The following SYNE2 variants were observed in gnomAD, a reference collection of about 807,000 sequenced individuals.
The protein encoded by SYNE2 is spectrin repeat containing nuclear envelope protein 2, also known as nesprin-2.
In SYNE2, 431 loss-of-function variants were observed where a neutral mutation model predicts 856.3. That is an observed-to-expected ratio of 0.50 (90% CI 0.47 to 0.55). The LOEUF is 0.55. Ranked by LOEUF, SYNE2 falls within the 20% of genes least tolerant of loss-of-function variation. The pLI is 0.00. For missense variants in SYNE2, 8,129 were observed against 8,023.2 expected (o/e 1.01, Z -0.50); for synonymous variants, 2,923 against 2,872.3 (o/e 1.02, Z -0.56).
intron 11 of SYNE2, among the ~76,000 whole-genome samples, chr14:63,973,223 G>A (rs1041730917): frequency 6.6e-6 from 1 of 152,082 alleles, no homozygotes; most frequent in Non-Finnish European, 1.5e-5. Context: ...TCTAGCCTGG[G>A]AGACAGAGTG....
intron 66 of SYNE2, among the ~76,000 whole-genome samples, chr14:64,117,093 G>A (rs764791653): frequency 7.2e-5 from 11 of 152,118 alleles, no homozygotes; most frequent in Non-Finnish European, 1.5e-4. Context: ...CTGAAACCGT[G>A]GATAGTACCA....
chr14:63,982,669 G>A lies in SYNE2; in HGVS notation c.1876G>A (p.Ala626Thr), dbSNP rs766378548. Residue 626 changes from alanine to threonine, a missense_variant, in exon 17 of 116, where the codon GCT becomes ACT. Ala to Thr is a moderately conservative substitution (Grantham distance 58). This residue lies in a region of SYNE2 where 2,422 missense variants were observed against 2,357.4 expected (regional missense o/e 1.03). Transcript: ENST00000555002. ...ACTAGCCCAGTGGAATCTAGAACACGCTACTTTAAATGAAGCAGGAAATTT... is the reference window on the plus strand; with the variant it reads ...ACTAGCCCAGTGGAATCTAGAACACACTACTTTAAATGAAGCAGGAAATTT... ...ETLAQWNLEHATLNEAGNFLV... is the reference protein window; with the variant it reads ...ETLAQWNLEHTTLNEAGNFLV... 1.7e-5 allele frequency: 28 copies of A among 1,613,952 alleles called. No individual in the cohort carries two copies. The Middle Eastern group carries it at 4.9e-4, about 28-fold the overall frequency.
intron 35 of SYNE2, 137 bp downstream of exon 35, chr14:64,020,230 A>G (rs2096926514): frequency 7.5e-6 from 5 of 664,736 alleles, no homozygotes; most frequent in South Asian, 3.6e-5. Flanking sequence ...AAGATTCTCT[A>G]TAACAGGGGT....
intron 20 of SYNE2, 26 bp downstream of exon 20, chr14:63,990,595 G>C: frequency 6.2e-7 from 1 of 1,610,162 alleles, no homozygotes; most frequent in Non-Finnish European, 8.5e-7. Flanking sequence ...TCCCTATTTA[G>C]TAATTCTGTT....
rs2097236354 is a variant in SYNE2 at position 64,052,685 on chromosome 14, C to G, written c.8772C>G (p.Thr2924=). The change falls in exon 48 of 116, where the codon ACC becomes ACG. Residue 2924 remains threonine, a synonymous_variant. Transcript: ENST00000555002. ...AGTTGAAAAATCTTAAGATTAGGAC[C>G]AACAGAATACAAAGATTCATTCAGA... The part of the protein sequence containing the change: ...EDQLKNLKIR[T]NRIQRFIQNT... 3 of 1,613,594 alleles carry G rather than the reference C, an allele frequency of 1.9e-6. No homozygotes were observed. The highest frequency in any genetic ancestry group is 2.5e-6 in the Non-Finnish European group (3 of 1,179,794).
At chr14:64,026,183 T>G (rs180785160) in intron 41 of SYNE2, among the ~76,000 whole-genome samples, 63 of 152,152 alleles carry the variant, frequency 4.1e-4, no homozygotes, top group Non-Finnish European at 7.9e-4. Context: ...GAAACAAGAG[T>G]TGACATGAGG....
intron 32 of SYNE2, among the ~76,000 whole-genome samples, chr14:64,013,472 C>G (rs995320022): frequency 1.3e-5 from 2 of 152,082 alleles, no homozygotes; most frequent in Admixed American, 6.5e-5. Context: ...CAGCCCTCAC[C>G]CCACTCCCAC....
chr14:64,152,341 C>T (rs988098435), intron 84 of SYNE2, among the ~76,000 whole-genome samples: 1 of 152,022 alleles, frequency 6.6e-6, no homozygotes, highest in African/African-American at 2.4e-5. Context: ...TTCTGCTCTG[C>T]CATGATGGTT....
rs771547903 is a variant in SYNE2 at position 63,976,572 on chromosome 14, T to C, written c.1138T>C (p.Trp380Arg). 1.9e-6 allele frequency: 3 copies of C among 1,575,722 alleles called. No individual in the cohort carries two copies. The highest frequency in any genetic ancestry group is 4.5e-5 in the East Asian group (2 of 44,136). The change falls in exon 12 of 116, where the codon TGG becomes CGG. Residue 380 changes from tryptophan to arginine, a missense_variant. This residue lies in a region of SYNE2 where 2,422 missense variants were observed against 2,357.4 expected (regional missense o/e 1.03). Coordinates refer to ENST00000555002, the MANE Select transcript of SYNE2 (RefSeq NM_182914.3). Reference protein sequence around the residue: ...WDGLDHQINAWKIKLNYALPP... With the variant: ...WDGLDHQINARKIKLNYALPP... ...TTTTTTTTTTTTTCAGATTAATGCA[T>C]GGAAAATAAAGCTAAATTATGCCTT...
At chr14:63,847,283 AAAT>A (rs941996879) in intron 1 of SYNE2, among the ~76,000 whole-genome samples, 7 of 150,904 alleles carry the variant, frequency 4.6e-5, no homozygotes, top group East Asian at 2.0e-4. Flanking sequence ...TGCTTTTACA[AAAT>A]AATAATAATA....
intron 1 of SYNE2, among the ~76,000 whole-genome samples, chr14:63,830,002 A>G (rs1889608652): frequency 6.6e-6 from 1 of 152,194 alleles, no homozygotes; most frequent in African/African-American, 2.4e-5. Context: ...TTGAAATATA[A>G]TAAGTGGCAT....
In SYNE2 at chr14:64,214,208, A is replaced by C; in HGVS notation, c.19071A>C (p.Glu6357Asp). ...CTGTGGTTTAGGGCTTGGAAGATGA[A>C]AAGGAGGCCTCTGAGAATGAAACAG... ...LTSCTPGLED[E>D]KEASENETDM... Residue 6357 changes from glutamate to aspartate, a missense_variant, in exon 106 of 116, where the codon GAA becomes GAC. This residue lies in a region of SYNE2 where 5,410 missense variants were observed against 5,284.8 expected (regional missense o/e 1.02). Coordinates refer to ENST00000555002, the MANE Select transcript of SYNE2 (RefSeq NM_182914.3). The C allele has an allele frequency of 4.3e-6, 7 of 1,614,212 alleles. No individual in the cohort carries two copies. Among genetic ancestry groups the C allele is most frequent in the Non-Finnish European group, 5.9e-6 (7 of 1,180,044 alleles).
At chr14:63,963,513 G>T (rs745567401) in intron 9 of SYNE2, among the ~76,000 whole-genome samples, 3 of 152,108 alleles carry the variant, frequency 2.0e-5, no homozygotes, top group Non-Finnish European at 2.9e-5. Context: ...TTAGGCTCTC[G>T]AAAGTGTTTG....
At chr14:64,215,234 G>A (rs2098660546) in intron 106 of SYNE2, 52 bp from the exon 107 acceptor site, 1 of 1,471,666 alleles carries the variant, frequency 6.8e-7, no homozygotes, top group Non-Finnish European at 9.5e-7. Context: ...TAATACTTGG[G>A]CATTAATCTT....
In SYNE2 at chr14:64,226,007, C is replaced by CCAAT. The variant is rs143247015; in HGVS notation, c.*484_*487dup. 72 of 225,670 alleles carry CCAAT rather than the reference C, an allele frequency of 3.2e-4. No individual in the cohort carries two copies. In the East Asian group the frequency reaches 6.5e-3, roughly 20 times the overall value. 14.0% of individuals were successfully genotyped at this position (225,670 alleles called of 1,614,324 possible). A position where few individuals can be genotyped will look rare whatever the true frequency, so the allele number is the denominator to read the frequency against. On this transcript the variant is annotated 3_prime_UTR_variant, in exon 116 of 116. Transcript: ENST00000555002. The stretch of plus-strand genomic sequence containing the variant: ...TAATACGCTTAGAATCAGTTTTACT[C>CCAAT]CAATCAGCTGGCAATTTTGAGCTGC...
chr14:63,884,617 A>G (rs2140769211), intron 1 of SYNE2, among the ~76,000 whole-genome samples: 1 of 151,952 alleles, frequency 6.6e-6, no homozygotes, highest in East Asian at 1.9e-4. Context: ...ACGTGGATGG[A>G]ATAGGTGAGA....
chr14:64,112,992 G>A (rs2097823860), intron 65 of SYNE2: 2 of 985,092 alleles, frequency 2.0e-6, no homozygotes, highest in Admixed American at 6.2e-5. Flanking sequence ...GTCACGTAAC[G>A]CTAAACACTG....
chr14:63,872,202 G>A (rs763871223), intron 1 of SYNE2, among the ~76,000 whole-genome samples: 2 of 151,940 alleles, frequency 1.3e-5, no homozygotes, highest in South Asian at 4.2e-4. Flanking sequence ...AGGCTGAGGC[G>A]GATGGATCTT....
At chr14:64,038,000 C>T (rs1458158836) in intron 45 of SYNE2, among the ~76,000 whole-genome samples, 1 of 151,824 alleles carries the variant, frequency 6.6e-6, no homozygotes. Context: ...TCCTCACTTC[C>T]CAGACGGGGT....
Sources: gnomAD v4.1 joint callset for allele counts (sites outside exome capture counted in the v4.1 genomes callset) on GRCh38, gnomAD v4.1.1 for gene constraint, gnomAD v4.1.1 regional missense constraint, MANE v1.5 for transcripts, NCBI Gene and HGNC (gene_info 2026-07-23, HGNC 2026-07-21) for gene names.